CNTNAP5: variants seen among roughly 807,000 people sequenced by gnomAD.
CNTNAP5 encodes contactin associated protein family member 5, also known as contactin-associated protein-like 5.
Under a neutral mutation model 150.2 loss-of-function variants are expected in CNTNAP5, and 72 were observed. The ratio of observed to expected loss-of-function variants is 0.48; its 90% CI spans 0.40 to 0.58. The LOEUF (loss-of-function observed/expected upper bound fraction) is 0.58, where lower values mean the gene tolerates loss of function less well. CNTNAP5 is among the 20% of genes least tolerant of loss of function. The pLI, the probability that CNTNAP5 is intolerant of heterozygous loss-of-function variation, is 0.00. For synonymous variants in CNTNAP5, 672 were observed against 619.8 expected (o/e 1.08, Z -1.25); for missense variants, 1,636 against 1,626.2 (o/e 1.01, Z -0.10).
chr2:124,306,528 A>G (rs1219028106), intron 3 of CNTNAP5, among the ~76,000 whole-genome samples: 3 of 152,148 alleles, frequency 2.0e-5, no homozygotes, highest in Admixed American at 2.0e-4. Context: ...CACACTCCTG[A>G]CAAAGAAGAA....
chr2:124,874,862 T>G (rs1677821822), intron 21 of CNTNAP5, among the ~76,000 whole-genome samples: 1 of 152,036 alleles, frequency 6.6e-6, no homozygotes, highest in Admixed American at 6.6e-5. Flanking sequence ...AATCTCCTAC[T>G]TGCCAGTTTG....
chr2:124,193,865 A>G (rs1454562848), intron 1 of CNTNAP5, among the ~76,000 whole-genome samples: 1 of 152,098 alleles, frequency 6.6e-6, no homozygotes, highest in African/African-American at 2.4e-5. Context: ...GGGAGGAGAC[A>G]GAGACAGGAA....
At chr2:124,490,138 A>G (rs1421154530) in intron 7 of CNTNAP5, among the ~76,000 whole-genome samples, 1 of 152,134 alleles carries the variant, frequency 6.6e-6, no homozygotes, top group Non-Finnish European at 1.5e-5. Flanking sequence ...GTTCAAGGAC[A>G]GCCTGGCCAA....
intron 1 of CNTNAP5, among the ~76,000 whole-genome samples, chr2:124,150,908 G>A (rs1441930784): frequency 1.3e-5 from 2 of 152,206 alleles, no homozygotes; most frequent in Non-Finnish European, 2.9e-5. Context: ...CTTCTGAAGA[G>A]TAGCGTGTGC....
At chr2:124,246,515 A>G (rs1025449951) in intron 3 of CNTNAP5, among the ~76,000 whole-genome samples, 4 of 152,120 alleles carry the variant, frequency 2.6e-5, no homozygotes, top group African/African-American at 9.7e-5. Context: ...AATCATTACA[A>G]ATATTAAAAT....
chr2:124,245,581 C>CTG (rs35056317), intron 3 of CNTNAP5, among the ~76,000 whole-genome samples: 67,956 of 148,090 alleles, frequency 0.46, 16,169 homozygotes, highest in East Asian at 0.74. Flanking sequence ...ACATATATAT[C>CTG]TGTGTGTGTG....
Position 124,563,311 on chromosome 2 carries a change from A to G in CNTNAP5, c.1744A>G (p.Thr582Ala). 6.5e-7 allele frequency: 1 copy of G among 1,550,218 alleles called. No individual in the cohort carries two copies. Among genetic ancestry groups the G allele is most frequent in the Non-Finnish European group, 8.7e-7 (1 of 1,145,098 alleles). ...NCSDTSYTGA[T>A]CHNSIYEQSC... ...CAGTGACACAAGTTACACTGGTGCC[A>G]CCTGCCACAACTGTGAGTAGATTGA... The change falls in exon 11 of 24, where the codon ACC becomes GCC. Residue 582 changes from threonine to alanine, a missense_variant. By Grantham distance (58) the Thr-to-Ala change is moderately conservative (BLOSUM62 0). Transcript: ENST00000682447.
At chr2:124,451,029 TAAAA>T (rs1156744323) in intron 6 of CNTNAP5, among the ~76,000 whole-genome samples, 26 of 20,052 alleles carry the variant, frequency 1.3e-3, no homozygotes, top group African/African-American at 3.2e-3. Context: ...CCATGTCTCT[TAAAA>T]AAAAAAAAAA....
Position 124,580,792 on chromosome 2 carries a change from T to C in CNTNAP5, c.1756+17469T>C, listed in dbSNP as rs562025120. Among the ~76,000 whole-genome samples the C allele has an allele frequency of 2.6e-5, 4 of 152,358 alleles. No individual in the cohort carries two copies. The South Asian group carries it at 8.3e-4, about 32-fold the overall frequency. ...TAACAAGGTGAGAGGACAAAACCTA[T>C]GCATATGGAGTGATTTGCATGACAG... On this transcript the variant is annotated intron_variant, in intron 11 of 23. Coordinates refer to ENST00000682447, the MANE Select transcript of CNTNAP5 (RefSeq NM_001367498.1).
At chr2:124,360,063 CCTT>C (rs1482055228) in intron 3 of CNTNAP5, among the ~76,000 whole-genome samples, 1 of 137,488 alleles carries the variant, frequency 7.3e-6, no homozygotes, top group Non-Finnish European at 1.6e-5. Context: ...TATGTAATGG[CCTT>C]CTTTGTCTCT....
intron 10 of CNTNAP5, among the ~76,000 whole-genome samples, chr2:124,541,918 T>C (rs963817776): frequency 6.6e-6 from 1 of 152,158 alleles, no homozygotes; most frequent in Non-Finnish European, 1.5e-5. Flanking sequence ...ATTCTCCATG[T>C]CATAGTGGAT....
intron 13 of CNTNAP5, among the ~76,000 whole-genome samples, chr2:124,707,481 CA>C (rs1415746372): frequency 1.3e-5 from 2 of 152,062 alleles, no homozygotes; most frequent in Admixed American, 6.6e-5. Flanking sequence ...TAAATAAATC[CA>C]GAGTGCAATA....
At chr2:124,075,676 G>A (rs145922855) in intron 1 of CNTNAP5, among the ~76,000 whole-genome samples, 60 of 152,026 alleles carry the variant, frequency 3.9e-4, no homozygotes, top group African/African-American at 1.4e-3. Context: ...ATTTACCACC[G>A]GGAGAGAAGG....
chr2:124,146,235 C>A (rs1684251956), intron 1 of CNTNAP5, among the ~76,000 whole-genome samples: 1 of 152,152 alleles, frequency 6.6e-6, no homozygotes, highest in Non-Finnish European at 1.5e-5. Flanking sequence ...TGTTAAATGC[C>A]TAGATGCCTA....
intron 14 of CNTNAP5, among the ~76,000 whole-genome samples, chr2:124,751,666 T>C (rs1253404415): frequency 6.6e-6 from 1 of 152,346 alleles, no homozygotes; most frequent in Non-Finnish European, 1.5e-5. Context: ...ATATCAGTGG[T>C]GCTCTGTGTG....
At chr2:124,380,450 A>G (rs1227532428) in intron 3 of CNTNAP5, among the ~76,000 whole-genome samples, 1 of 152,188 alleles carries the variant, frequency 6.6e-6, no homozygotes, top group Admixed American at 6.5e-5. Context: ...GAAGAGAGAG[A>G]CAGATAATTG....
intron 21 of CNTNAP5, among the ~76,000 whole-genome samples, chr2:124,871,270 A>ATATTTATTTATT (rs749799468): frequency 2.5e-4 from 32 of 125,816 alleles, no homozygotes; most frequent in African/African-American, 4.6e-4. Context: ...ATACATATAC[A>ATATTTATTTATT]TATTTACTTA....
intron 21 of CNTNAP5, among the ~76,000 whole-genome samples, chr2:124,891,924 G>A (rs1030317111): frequency 1.1e-4 from 17 of 152,010 alleles, no homozygotes; most frequent in Admixed American, 7.2e-4. Flanking sequence ...CAATTGGCCC[G>A]GCTTCACAAT....
intron 3 of CNTNAP5, among the ~76,000 whole-genome samples, chr2:124,393,066 T>A (rs893233875): frequency 2.0e-5 from 3 of 152,182 alleles, no homozygotes; most frequent in African/African-American, 7.2e-5. Flanking sequence ...TCTGTTAGTT[T>A]CCTTATCATG....
Sources: gnomAD v4.1 joint callset for allele counts (sites outside exome capture counted in the v4.1 genomes callset) on GRCh38, gnomAD v4.1.1 for gene constraint, MANE v1.5 for transcripts, NCBI Gene and HGNC (gene_info 2026-07-23, HGNC 2026-07-21) for gene names.